The following EML6 variants were observed in gnomAD, a reference collection of about 807,000 sequenced individuals.
The protein encoded by EML6 is echinoderm microtubule-associated protein-like 6.
In EML6, 154 loss-of-function variants were observed where a neutral mutation model predicts 240.1. The ratio of observed to expected loss-of-function variants is 0.64; its 90% CI spans 0.56 to 0.73. The LOEUF (loss-of-function observed/expected upper bound fraction) is 0.73, where lower values mean the gene tolerates loss of function less well. Among genes scored for constraint, EML6 ranks in the 30% least tolerant of loss-of-function variants. The probability of loss-of-function intolerance (pLI) is 0.00; values close to 1 mark genes in which losing one functional copy is unlikely to be tolerated. For missense variants in EML6, 2,964 were observed against 2,474.6 expected (o/e 1.20, Z -4.20); for synonymous variants, 1,148 against 899.0 (o/e 1.28, Z -4.95).
chr2:54,815,677 AG>A (rs1454798568), intron 3 of EML6, among the ~76,000 whole-genome samples: 1 of 152,228 alleles, frequency 6.6e-6, no homozygotes, highest in Non-Finnish European at 1.5e-5. Context: ...AAATTTCTTA[AG>A]GACACATTAA....
At chr2:54,749,572 G>C (rs1171151804) in intron 2 of EML6, among the ~76,000 whole-genome samples, 1 of 152,028 alleles carries the variant, frequency 6.6e-6, no homozygotes, top group Admixed American at 6.6e-5. Context: ...TCATATATAT[G>C]TGATTTATAT....
chr2:54,870,040 T>C (rs1260077105), intron 15 of EML6, among the ~76,000 whole-genome samples: 1 of 152,248 alleles, frequency 6.6e-6, no homozygotes, highest in Non-Finnish European at 1.5e-5. Context: ...CTCAAATGTA[T>C]AGATTATACT....
intron 2 of EML6, among the ~76,000 whole-genome samples, chr2:54,812,209 G>A (rs917109172): frequency 6.6e-6 from 1 of 151,960 alleles, no homozygotes; most frequent in Non-Finnish European, 1.5e-5. Flanking sequence ...AGGAAACTGA[G>A]GCAAAAGATG....
chr2:54,825,529 C>T (rs1343339363), intron 5 of EML6, among the ~76,000 whole-genome samples: 1 of 152,154 alleles, frequency 6.6e-6, no homozygotes, highest in Non-Finnish European at 1.5e-5. Context: ...TCCCAAAGTG[C>T]TGGTATTACA....
At chr2:54,891,672 T>C (rs763023866) in intron 18 of EML6, among the ~76,000 whole-genome samples, 1 of 152,222 alleles carries the variant, frequency 6.6e-6, no homozygotes, top group Non-Finnish European at 1.5e-5. Context: ...TAAGTCAGAC[T>C]TAATACAATT....
At chr2:54,815,772 C>T (rs1668054309) in intron 3 of EML6, among the ~76,000 whole-genome samples, 1 of 152,212 alleles carries the variant, frequency 6.6e-6, no homozygotes, top group African/African-American at 2.4e-5. Flanking sequence ...CCCTGCATAA[C>T]AGCACATGTA....
chr2:54,943,281 C>G (rs1244740660), intron 28 of EML6, among the ~76,000 whole-genome samples: 1 of 152,156 alleles, frequency 6.6e-6, no homozygotes, highest in Non-Finnish European at 1.5e-5. Flanking sequence ...AGTCCCTTCT[C>G]CTATTCAAGA....
chr2:54,917,108 C>T (rs1673958163), intron 26 of EML6, among the ~76,000 whole-genome samples, 173 bp downstream of exon 26: 1 of 152,146 alleles, frequency 6.6e-6, no homozygotes, highest in South Asian at 2.1e-4. Context: ...AATTTCAGTG[C>T]AATTCTCATG....
intron 38 of EML6, 29 bp downstream of exon 38, chr2:54,964,762 G>A (rs1242308286): frequency 6.5e-7 from 1 of 1,548,844 alleles, no homozygotes; most frequent in East Asian, 2.4e-5. Context: ...TATATCTGGG[G>A]CAACCAATAA....
At chr2:54,825,178 C>CA (rs979580807) in intron 5 of EML6, among the ~76,000 whole-genome samples, 1 of 152,012 alleles carries the variant, frequency 6.6e-6, no homozygotes, top group African/African-American at 2.4e-5. Flanking sequence ...AGTTAAAGGA[C>CA]AAAATAATTA....
Position 54,847,608 on chromosome 2 carries a change from T to C in EML6, c.1172T>C (p.Ile391Thr), listed in dbSNP as rs1417499595. ...CTGGGCATGAAGGACGGCTCTTTCA[T>C]TGTTCTCCGAGTCAGGCACGTACTG... ...LALGMKDGSF[I>T]VLRVRDMTEV... Residue 391 changes from isoleucine to threonine, a missense_variant, in exon 9 of 42, where the codon ATT (isoleucine) becomes ACT (threonine). Ile to Thr is a moderately conservative substitution (Grantham distance 89). Transcript: ENST00000356458. 3 of 1,552,352 alleles carry C rather than the reference T, an allele frequency of 1.9e-6. No homozygotes were observed. The Admixed American group carries it at 5.9e-5, about 30-fold the overall frequency.
chr2:54,801,243 A>AG (rs1391032484), intron 2 of EML6, among the ~76,000 whole-genome samples: 2 of 141,968 alleles, frequency 1.4e-5, no homozygotes, highest in Non-Finnish European at 3.1e-5. Context: ...TGAATCCGGG[A>AG]GGTGGAGCTT....
chr2:54,850,805 T>A (rs375817384), intron 10 of EML6, among the ~76,000 whole-genome samples: 5 of 152,224 alleles, frequency 3.3e-5, no homozygotes, highest in South Asian at 2.1e-4. Flanking sequence ...TAAATGTTTA[T>A]CAGCATGAGG....
intron 16 of EML6, among the ~76,000 whole-genome samples, chr2:54,876,987 T>A (rs1389343299): frequency 6.9e-5 from 6 of 86,450 alleles, no homozygotes; most frequent in South Asian, 4.0e-4. Context: ...AAAAAAAAAT[T>A]TTTTTTTTTT....
In EML6 at chr2:54,967,055, TA is replaced by T; in HGVS notation, c.5551del (p.Thr1851LeufsTer40). 1 of 1,551,466 alleles carries T rather than the reference TA, an allele frequency of 6.4e-7. No homozygotes were observed. The highest frequency in any genetic ancestry group is 8.7e-7 in the Non-Finnish European group (1 of 1,146,876). Reference protein sequence around the residue: ...QVHEVPLGKQVTEAVVIEKIT... With the variant: ...QVHEVPLGKQXTEAVVIEKIT... ...CATGAGGTCCCCCTGGGGAAGCAGG[TA>T]ACTGAAGCCGTGGTCATTGAGAAGA... On this transcript the variant is annotated frameshift_variant, in exon 39 of 42. Coordinates refer to ENST00000356458, the MANE Select transcript of EML6 (RefSeq NM_001039753.4). LOFTEE classifies it high-confidence loss of function.
intron 2 of EML6, among the ~76,000 whole-genome samples, chr2:54,734,789 G>A (rs937514547): frequency 2.6e-5 from 4 of 152,320 alleles, no homozygotes; most frequent in Non-Finnish European, 5.9e-5. Flanking sequence ...CGAGTGAACC[G>A]TTGGATGATT....
chr2:54,915,943 T>A (rs947598927), intron 25 of EML6, among the ~76,000 whole-genome samples: 1 of 152,222 alleles, frequency 6.6e-6, no homozygotes, highest in Non-Finnish European at 1.5e-5. Context: ...GTTGTTGTTA[T>A]TGTCTATTAT....
chr2:54,872,006 C>G (rs1014203028), intron 16 of EML6, among the ~76,000 whole-genome samples: 6 of 152,176 alleles, frequency 3.9e-5, no homozygotes, highest in Admixed American at 3.3e-4. Context: ...TAAGTGGGAG[C>G]ACATCACTTC....
rs1335080852 is a variant in EML6, at chr2:54,827,668, A to G, written c.628A>G (p.Ile210Val). ...ILCLACAKEDITYSGALNGDI... is the reference protein window; with the variant it reads ...ILCLACAKEDVTYSGALNGDI... ...TTGCCTTGCATGTGCCAAAGAAGAC[A>G]TCACCTACTCTGGTGCTTTAAATGG... The change falls in exon 6 of 42, where the codon ATC (isoleucine) becomes GTC (valine). Residue 210 changes from isoleucine to valine, a missense_variant. Physicochemically the swap from Ile to Val is conservative, Grantham distance 29 (BLOSUM62 3). Transcript: ENST00000356458. 19 of 1,551,590 alleles carry G rather than the reference A, an allele frequency of 1.2e-5. No individual in the cohort carries two copies. Among genetic ancestry groups the G allele is most frequent in the Non-Finnish European group, 1.5e-5 (17 of 1,146,952 alleles).
Sources: allele counts gnomAD v4.1 joint callset (sites outside exome capture counted in the v4.1 genomes callset), GRCh38; gene constraint gnomAD v4.1.1; transcripts MANE v1.5; gene names NCBI Gene and HGNC (gene_info 2026-07-23, HGNC 2026-07-21).